The following CPSF4 variants were observed in gnomAD, a reference collection of about 807,000 sequenced individuals.
The protein encoded by CPSF4 is cleavage and polyadenylation specific factor 4, also known as cleavage and polyadenylation specificity factor subunit 4.
Under a neutral mutation model 37.7 loss-of-function variants are expected in CPSF4, and 11 were observed. That is an observed-to-expected ratio of 0.29 (90% CI 0.18 to 0.48). The LOEUF (loss-of-function observed/expected upper bound fraction) is 0.48, where lower values mean the gene tolerates loss of function less well. Ranked by LOEUF, CPSF4 falls within the 20% of genes least tolerant of loss-of-function variation. CPSF4 has a pLI of 0.99. For missense variants in CPSF4, 144 were observed against 359.5 expected (o/e 0.40, Z 4.85); for synonymous variants, 132 against 135.9 (o/e 0.97, Z 0.20).
At position 99,444,854 on chromosome 7, in the gene CPSF4, G is replaced by A; in HGVS notation, c.154+15G>A. Reference sequence around the variant, plus strand: ...CTGCGGCAAAGGTAAGAAACTCCGGGCTCCCTGATGTGCCTCCGGAGGCGC... The same window carrying A: ...CTGCGGCAAAGGTAAGAAACTCCGGACTCCCTGATGTGCCTCCGGAGGCGC... On this transcript the variant is annotated intron_variant, in intron 2 of 7. Coordinates refer to ENST00000292476, the MANE Select transcript of CPSF4 (RefSeq NM_006693.4). The A allele has an allele frequency of 6.2e-7, 1 of 1,612,786 alleles. No individual in the cohort carries two copies. Among genetic ancestry groups the A allele is most frequent in the Non-Finnish European group, 8.5e-7 (1 of 1,179,452 alleles).
At chr7:99,440,674 A>ATATATGTTTTTTTT in intron 1 of CPSF4, among the ~76,000 whole-genome samples, 1 of 88,088 alleles carries the variant, frequency 1.1e-5, no homozygotes, top group African/African-American at 9.7e-5. Flanking sequence ...ATATATATAT[A>ATATATGTTTTTTTT]TTTTTTTTTT....
chr7:99,443,178 A>G (rs1269755314), intron 1 of CPSF4: 1 of 784,334 alleles, frequency 1.3e-6, no homozygotes, highest in Non-Finnish European at 2.4e-6. Flanking sequence ...GCTCACAGGT[A>G]CACTGAATTG....
chr7:99,440,674 A>ATATATATATATATATATATTTTTTTTTTT, intron 1 of CPSF4, among the ~76,000 whole-genome samples: 1 of 88,088 alleles, frequency 1.1e-5, no homozygotes, highest in Admixed American at 1.2e-4. Context: ...ATATATATAT[A>ATATATATATATATATATATTTTTTTTTTT]TTTTTTTTTT....
intron 1 of CPSF4, chr7:99,443,571 T>C (rs1056828982): frequency 1.2e-5 from 7 of 571,508 alleles, no homozygotes; most frequent in East Asian, 3.0e-5. Context: ...CCTAGCACTT[T>C]GGGAAGCCAA....
intron 6 of CPSF4, 70 bp downstream of exon 6, chr7:99,452,510 G>A: frequency 7.0e-7 from 1 of 1,423,024 alleles, no homozygotes; most frequent in African/African-American, 1.4e-5. Flanking sequence ...GTGTCCCCCA[G>A]GGGTGTGGTC....
intron 2 of CPSF4, 160 bp from the exon 3 acceptor site, chr7:99,447,961 T>C: frequency 9.2e-6 from 6 of 650,064 alleles, no homozygotes; most frequent in Non-Finnish European, 1.1e-5. Flanking sequence ...CCTCAAATCA[T>C]GTTGCCTTCT....
In CPSF4 at chr7:99,453,842, C is replaced by T. The variant is rs1002790119; in HGVS notation, c.571-124C>T. ...TGCTGCCCACTGTCCTGAGGTGGGC[C>T]GTCGTGGAAGCCCTGCTTCCTGCCG... On this transcript the variant is annotated intron_variant, in intron 6 of 7. Coordinates refer to ENST00000292476, the MANE Select transcript of CPSF4 (RefSeq NM_006693.4). This position sits in a 1 kb window ranked among gnomAD's most constrained non-coding sequence, Gnocchi z 4.7. 7.5e-5 allele frequency: 63 copies of T among 840,264 alleles called. No homozygotes were observed. Among genetic ancestry groups the T allele is most frequent in the Non-Finnish European group, 1.1e-4 (58 of 520,376 alleles). 52.1% of individuals were successfully genotyped at this position (840,264 alleles called of 1,614,324 possible).
intron 1 of CPSF4, chr7:99,439,593 A>C (rs189021806): frequency 2.0e-4 from 35 of 175,262 alleles, no homozygotes; most frequent in African/African-American, 8.0e-4. Context: ...GCGGCTGTTC[A>C]AAGGTAATCT....
intron 7 of CPSF4, 102 bp from the exon 8 acceptor site, chr7:99,456,330 G>A (rs1798309964): frequency 1.0e-6 from 1 of 988,772 alleles, no homozygotes; most frequent in African/African-American, 1.6e-5. Context: ...TGGGGACTTG[G>A]TGGATGATTT....
chr7:99,450,173 C>T, intron 3 of CPSF4, 103 bp from the exon 4 acceptor site: 3 of 823,132 alleles, frequency 3.6e-6, no homozygotes, highest in African/African-American at 1.7e-5. Flanking sequence ...TCTCAGGGCT[C>T]GTCAGGCCAA....
intron 4 of CPSF4, 131 bp downstream of exon 4, chr7:99,450,502 C>A: frequency 1.3e-6 from 1 of 749,652 alleles, no homozygotes; most frequent in Non-Finnish European, 2.2e-6. Flanking sequence ...GGCTTTCTCA[C>A]ACTCCTCATC....
chr7:99,449,078 AGCTCT>A (rs1439266335), intron 3 of CPSF4: 1 of 152,332 alleles, frequency 6.6e-6, no homozygotes, highest in Non-Finnish European at 1.5e-5. Context: ...CCCGGGAAGC[AGCTCT>A]GTGGGTCAGC....
chr7:99,439,073 C>G lies in CPSF4; in HGVS notation c.-10C>G. 6.2e-7 allele frequency: 1 copy of G among 1,603,860 alleles called. No individual in the cohort carries two copies. Among genetic ancestry groups the G allele is most frequent in the South Asian group, 1.1e-5 (1 of 90,144 alleles). On this transcript the variant is annotated 5_prime_UTR_variant, in exon 1 of 8. Transcript: ENST00000292476. ...GGGGGAGCCGGGCCGGTGGGGCCGC[C>G]GCCGCCGCCATGCAGGAAATCATCG...
chr7:99,445,523 G>A (rs1257184287), intron 2 of CPSF4, among the ~76,000 whole-genome samples: 3 of 152,136 alleles, frequency 2.0e-5, no homozygotes, highest in Admixed American at 1.3e-4. Context: ...TGTCTTGGTC[G>A]CCATCTTGTT....
chr7:99,442,663 A>AC (rs1269654968), intron 1 of CPSF4, among the ~76,000 whole-genome samples: 4 of 150,974 alleles, frequency 2.6e-5, no homozygotes, highest in African/African-American at 9.8e-5. Flanking sequence ...CTCAAAAAAA[A>AC]AAAAAAAAAA....
intron 2 of CPSF4, chr7:99,447,816 CAG>C (rs1406622053): frequency 2.1e-6 from 1 of 478,232 alleles, no homozygotes; most frequent in South Asian, 1.6e-5. Flanking sequence ...GTCTCCGTGC[CAG>C]CCAGGATGGT....
chr7:99,455,438 C>T (rs1209343911), intron 7 of CPSF4, among the ~76,000 whole-genome samples: 1 of 152,222 alleles, frequency 6.6e-6, no homozygotes, highest in Non-Finnish European at 1.5e-5. Flanking sequence ...CGGTGGCTCA[C>T]GCCTGTAATC....
Position 99,444,736 on chromosome 7 carries a change from T to C in CPSF4, c.104-53T>C, listed in dbSNP as rs778861442. The C allele has an allele frequency of 3.2e-6, 5 of 1,547,700 alleles. No homozygotes were observed. The East Asian group carries it at 9.0e-5, about 28-fold the overall frequency. ...TCCCTCCCACTGTCTTCAGACATTG[T>C]CAATAGCAAATTGCACCTCTTTGAT... On this transcript the variant is annotated intron_variant, in intron 1 of 7. Transcript: ENST00000292476.
chr7:99,450,248 G>A lies in CPSF4; in HGVS notation c.308-28G>A, dbSNP rs771138622. ...GGTGGGCCTGGCCCCGGCCTTCCCA[G>A]TGGTCTCACGTCTGAGTTTCCCTGC... On this transcript the variant is annotated intron_variant, in intron 3 of 7. Transcript: ENST00000292476. 6.3e-6 allele frequency: 10 copies of A among 1,577,762 alleles called. No individual in the cohort carries two copies. The South Asian group carries it at 8.9e-5, about 14-fold the overall frequency.
Sources: gnomAD v4.1 joint callset for allele counts (sites outside exome capture counted in the v4.1 genomes callset) on GRCh38, gnomAD v4.1.1 for gene constraint, Gnocchi (gnomAD v3.1) non-coding constraint, MANE v1.5 for transcripts, NCBI Gene and HGNC (gene_info 2026-07-23, HGNC 2026-07-21) for gene names.